The following GATAD2B variants were observed in gnomAD, a reference collection of about 807,000 sequenced individuals.
GATAD2B encodes the protein transcriptional repressor p66-beta.
GATAD2B carries 8 observed loss-of-function variants against 64.3 expected under a neutral mutation model. The ratio of observed to expected loss-of-function variants is 0.12; its 90% CI spans 0.07 to 0.22. GATAD2B has a LOEUF of 0.22. Among genes scored for constraint, GATAD2B ranks in the 10% least tolerant of loss-of-function variants. The probability of loss-of-function intolerance (pLI) is 1.00; values close to 1 mark genes in which losing one functional copy is unlikely to be tolerated. For synonymous variants in GATAD2B, 281 were observed against 271.3 expected, an observed-to-expected ratio of 1.04 and a Z score of -0.35; for missense variants, 453 against 752.0, an observed-to-expected ratio of 0.60 and a Z score of 4.65.
chr1:153,859,683 A>T (rs1182049626), intron 1 of GATAD2B, among the ~76,000 whole-genome samples: 1 of 142,770 alleles, frequency 7.0e-6, no homozygotes, highest in East Asian at 2.0e-4. Flanking sequence ...AAAAAATAAT[A>T]AAAAAAAAAA....
chr1:153,861,930 G>A (rs919420390), intron 1 of GATAD2B, among the ~76,000 whole-genome samples: 11 of 149,036 alleles, frequency 7.4e-5, no homozygotes, highest in Non-Finnish European at 1.6e-4. Flanking sequence ...ACAAGTCTAG[G>A]AAAATTTTTA....
intron 1 of GATAD2B, among the ~76,000 whole-genome samples, chr1:153,903,868 C>T (rs1291596202): frequency 1.3e-5 from 2 of 152,132 alleles, no homozygotes; most frequent in African/African-American, 4.8e-5. Flanking sequence ...CATGTGGTCC[C>T]AGCTACTTGA....
chr1:153,922,553 G>A (rs1296770753), intron 1 of GATAD2B, among the ~76,000 whole-genome samples, 180 bp downstream of exon 1: 2 of 130,510 alleles, frequency 1.5e-5, no homozygotes. Flanking sequence ...GGAGGGGGAC[G>A]CAAGGCGGGG....
At chr1:153,830,848 C>T (rs543475144) in intron 1 of GATAD2B, among the ~76,000 whole-genome samples, 1 of 152,258 alleles carries the variant, frequency 6.6e-6, no homozygotes, top group African/African-American at 2.4e-5. Context: ...ACAATCATAG[C>T]TTATTGCAGC....
intron 1 of GATAD2B, among the ~76,000 whole-genome samples, chr1:153,893,863 C>T (rs990165095): frequency 1.4e-5 from 2 of 139,206 alleles, no homozygotes; most frequent in South Asian, 2.4e-4. Context: ...GAGGCTGAGA[C>T]GGGAGAATCG....
intron 1 of GATAD2B, chr1:153,852,226 ATGT>A: frequency 3.4e-6 from 4 of 1,170,122 alleles, no homozygotes; most frequent in Non-Finnish European, 3.8e-6. Context: ...GTTGAGGGGC[ATGT>A]TGTTAACAAG....
At chr1:153,827,965 G>T in intron 2 of GATAD2B, 48 bp downstream of exon 2, 1 of 1,364,768 alleles carries the variant, frequency 7.3e-7, no homozygotes, top group Non-Finnish European at 1.0e-6. Context: ...ATTTTCACAG[G>T]CTTTATGAGA....
At chr1:153,873,415 G>A (rs61804838) in intron 1 of GATAD2B, among the ~76,000 whole-genome samples, 19,497 of 152,190 alleles carry the variant, frequency 0.13, 1,732 homozygotes, top group East Asian at 0.49. Context: ...TAAGAGGCGA[G>A]ACCTTTAGGA....
At chr1:153,851,065 G>A (rs1250172921) in intron 1 of GATAD2B, among the ~76,000 whole-genome samples, 4 of 151,780 alleles carry the variant, frequency 2.6e-5, no homozygotes, top group Non-Finnish European at 4.4e-5. Context: ...GCTTTTTCCC[G>A]TTTGACATTA....
chr1:153,834,192 G>A (rs1345205617), intron 1 of GATAD2B, among the ~76,000 whole-genome samples: 1 of 150,892 alleles, frequency 6.6e-6, no homozygotes, highest in Admixed American at 6.6e-5. Flanking sequence ...TTGCTATAGA[G>A]ATGGGGTTTC....
intron 1 of GATAD2B, among the ~76,000 whole-genome samples, chr1:153,834,216 G>C (rs1675186284): frequency 6.6e-6 from 1 of 151,344 alleles, no homozygotes. Flanking sequence ...GTGTCAGCCA[G>C]GATGGTCTCG....
At chr1:153,915,410 G>A (rs1388967550) in intron 1 of GATAD2B, among the ~76,000 whole-genome samples, 5 of 152,034 alleles carry the variant, frequency 3.3e-5, no homozygotes, top group South Asian at 2.1e-4. Context: ...GTGACAGAGC[G>A]AGACTCTATC....
At chr1:153,812,575 GTTTTA>G (rs1329681847) in intron 8 of GATAD2B, among the ~76,000 whole-genome samples, 4 of 151,980 alleles carry the variant, frequency 2.6e-5, no homozygotes, top group African/African-American at 9.7e-5. Flanking sequence ...AATTACTGGG[GTTTTA>G]TTTTATCACT....
intron 1 of GATAD2B, among the ~76,000 whole-genome samples, chr1:153,848,459 G>A (rs1471031872): frequency 6.6e-6 from 1 of 151,806 alleles, no homozygotes; most frequent in Non-Finnish European, 1.5e-5. Flanking sequence ...CACATCTCTG[G>A]GTCTTATTCT....
At chr1:153,830,767 G>A (rs978140562) in intron 1 of GATAD2B, among the ~76,000 whole-genome samples, 11 of 151,952 alleles carry the variant, frequency 7.2e-5, no homozygotes, top group Admixed American at 3.3e-4. Context: ...GAGCCACCGC[G>A]CCCGGCCTTT....
chr1:153,832,827 T>G (rs1675124918), intron 1 of GATAD2B, among the ~76,000 whole-genome samples: 1 of 152,170 alleles, frequency 6.6e-6, no homozygotes, highest in South Asian at 2.1e-4. Flanking sequence ...TTTGGAGTAC[T>G]CAGTGTCTAC....
chr1:153,892,692 C>CTTTTT (rs144331770), intron 1 of GATAD2B, among the ~76,000 whole-genome samples: 5 of 97,872 alleles, frequency 5.1e-5, no homozygotes, highest in Non-Finnish European at 6.1e-5. Flanking sequence ...TGTAAGAAAC[C>CTTTTT]TTTTTTTTTT....
At chr1:153,839,646 G>A (rs1675407458) in intron 1 of GATAD2B, among the ~76,000 whole-genome samples, 1 of 152,160 alleles carries the variant, frequency 6.6e-6, no homozygotes, top group South Asian at 2.1e-4. Context: ...AACAGTCCTA[G>A]TATTTAACAC....
chr1:153,859,049 G>A (rs1676182918), intron 1 of GATAD2B, among the ~76,000 whole-genome samples: 1 of 152,128 alleles, frequency 6.6e-6, no homozygotes, highest in African/African-American at 2.4e-5. Flanking sequence ...AAAAGGTACA[G>A]ATGAAGTGCT....
Sources: allele counts gnomAD v4.1 joint callset (sites outside exome capture counted in the v4.1 genomes callset), GRCh38; gene constraint gnomAD v4.1.1; transcripts MANE v1.5; gene names NCBI Gene and HGNC (gene_info 2026-07-23, HGNC 2026-07-21).